CLEC16A: variants seen among roughly 807,000 people sequenced by gnomAD.
The protein encoded by CLEC16A is C-type lectin domain containing 16A, also known as protein CLEC16A.
Under a neutral mutation model 109.5 loss-of-function variants are expected in CLEC16A, and 51 were observed. The ratio of observed to expected loss-of-function variants is 0.47; its 90% CI spans 0.37 to 0.59. CLEC16A has a LOEUF of 0.59. CLEC16A is among the 20% of genes least tolerant of loss of function. The probability of loss-of-function intolerance (pLI) is 0.00; values close to 1 mark genes in which losing one functional copy is unlikely to be tolerated. For synonymous variants in CLEC16A, 673 were observed against 564.2 expected, an observed-to-expected ratio of 1.19 and a Z score of -2.73; for missense variants, 1,339 against 1,394.0, an observed-to-expected ratio of 0.96 and a Z score of 0.63.
At chr16:10,980,768 T>A (rs1239720535) in intron 9 of CLEC16A, among the ~76,000 whole-genome samples, 12 of 152,188 alleles carry the variant, frequency 7.9e-5, no homozygotes, top group African/African-American at 2.9e-4. Context: ...GAAGCCCTGT[T>A]TCCCCCTGCA....
intron 19 of CLEC16A, among the ~76,000 whole-genome samples, chr16:11,080,811 C>G (rs956993584): frequency 7.2e-5 from 11 of 152,230 alleles, no homozygotes; most frequent in Admixed American, 5.9e-4. Context: ...CTCACTCTTT[C>G]ACTTTTAGAA....
chr16:11,141,013 C>G (rs1024814852), intron 22 of CLEC16A, among the ~76,000 whole-genome samples: 5 of 152,252 alleles, frequency 3.3e-5, no homozygotes, highest in Admixed American at 2.0e-4. Context: ...ATAATGGCCA[C>G]TGCTGTTGAG....
At chr16:11,046,295 TC>T (rs1348746839) in intron 16 of CLEC16A, among the ~76,000 whole-genome samples, 1 of 152,202 alleles carries the variant, frequency 6.6e-6, no homozygotes, top group Non-Finnish European at 1.5e-5. Context: ...CTTACTTTTA[TC>T]CCATAACATT....
At chr16:11,085,989 A>C (rs958686140) in intron 19 of CLEC16A, among the ~76,000 whole-genome samples, 1 of 152,352 alleles carries the variant, frequency 6.6e-6, no homozygotes, top group South Asian at 2.1e-4. Flanking sequence ...GTCTTCAGCT[A>C]GTCCTCTGGG....
At chr16:10,986,808 T>C (rs893351901) in intron 10 of CLEC16A, among the ~76,000 whole-genome samples, 2 of 152,008 alleles carry the variant, frequency 1.3e-5, no homozygotes, top group Admixed American at 6.6e-5. Context: ...TATCCATTTA[T>C]CCATCATTAT....
At chr16:11,014,987 C>G (rs944507991) in intron 11 of CLEC16A, among the ~76,000 whole-genome samples, 1 of 152,190 alleles carries the variant, frequency 6.6e-6, no homozygotes, top group Non-Finnish European at 1.5e-5. Context: ...CTGGGGAGCC[C>G]TTTCCCCCAA....
At chr16:11,155,740 G>A (rs757585288) in intron 22 of CLEC16A, among the ~76,000 whole-genome samples, 30 of 152,176 alleles carry the variant, frequency 2.0e-4, no homozygotes, top group Non-Finnish European at 3.5e-4. Context: ...TAAAACACAC[G>A]GTAGGAGAGA....
chr16:11,025,340 T>C (rs1157091529), intron 13 of CLEC16A, among the ~76,000 whole-genome samples: 1 of 152,212 alleles, frequency 6.6e-6, no homozygotes, highest in Non-Finnish European at 1.5e-5. Flanking sequence ...AGAGCTGAAA[T>C]AGACCCTGGG....
chr16:11,098,705 A>G (rs1415084057), intron 19 of CLEC16A, among the ~76,000 whole-genome samples: 1 of 152,106 alleles, frequency 6.6e-6, no homozygotes, highest in African/African-American at 2.4e-5. Flanking sequence ...GGAACCCTGG[A>G]TCTCTCCCAA....
chr16:11,097,108 TG>T (rs1465270388), intron 19 of CLEC16A, among the ~76,000 whole-genome samples: 1 of 152,182 alleles, frequency 6.6e-6, no homozygotes, highest in African/African-American at 2.4e-5. Context: ...TGAACTTCCC[TG>T]TAGCTGAATC....
chr16:10,992,709 A>G (rs1366799120), intron 10 of CLEC16A, among the ~76,000 whole-genome samples: 1 of 151,888 alleles, frequency 6.6e-6, no homozygotes, highest in Non-Finnish European at 1.5e-5. Context: ...TGCCTCGAGT[A>G]ATTGTTGAGC....
At chr16:10,992,166 C>T (rs537002054) in intron 10 of CLEC16A, among the ~76,000 whole-genome samples, 1 of 152,280 alleles carries the variant, frequency 6.6e-6, no homozygotes, top group South Asian at 2.1e-4. Context: ...AATACAATAC[C>T]TTACTGTTAA....
At position 11,051,523 on chromosome 16, in the gene CLEC16A, T is replaced by C. The variant is rs1257232535; in HGVS notation, c.1877T>C (p.Met626Thr). The C allele has an allele frequency of 5.6e-6, 9 of 1,613,624 alleles. No individual in the cohort carries two copies. The highest frequency in any genetic ancestry group is 7.6e-6 in the Non-Finnish European group (9 of 1,179,672). ...TAATGTCTCTTCTAGATGAAGCCCA[T>C]GAACGTGGAATATCTCATGATGGAC... ...DEYRSMTMKP[M>T]NVEYLMMDAS... The change falls in exon 18 of 24, where the codon ATG becomes ACG. Residue 626 changes from methionine (M) to threonine (T), a missense_variant. This residue lies in a region of CLEC16A where 1,061 missense variants were observed against 1,006.8 expected (regional missense o/e 1.05). Coordinates refer to ENST00000409790, the MANE Select transcript of CLEC16A (RefSeq NM_015226.3).
intron 19 of CLEC16A, among the ~76,000 whole-genome samples, chr16:11,104,043 T>C (rs1168110269): frequency 6.6e-6 from 1 of 152,174 alleles, no homozygotes; most frequent in Admixed American, 6.5e-5. Flanking sequence ...CCCCCACAGA[T>C]GTGTGTGGCA....
intron 11 of CLEC16A, among the ~76,000 whole-genome samples, chr16:11,019,243 C>T (rs1423601164): frequency 6.6e-6 from 1 of 152,174 alleles, no homozygotes. Flanking sequence ...CTGATGGGGA[C>T]ACCATAAAGC....
intron 19 of CLEC16A, among the ~76,000 whole-genome samples, chr16:11,082,924 C>G (rs1268003864): frequency 6.6e-6 from 1 of 152,106 alleles, no homozygotes; most frequent in African/African-American, 2.4e-5. Context: ...AGTGGGAGCT[C>G]CCCATCTAAG....
intron 12 of CLEC16A, among the ~76,000 whole-genome samples, chr16:11,021,774 G>A (rs556019689): frequency 4.5e-4 from 68 of 152,312 alleles, no homozygotes; most frequent in South Asian, 8.3e-4. Flanking sequence ...TCCAGCCTGG[G>A]CAACAGAATG....
chr16:11,175,959 A>G (rs2068732577), intron 23 of CLEC16A, among the ~76,000 whole-genome samples: 3 of 152,376 alleles, frequency 2.0e-5, no homozygotes, highest in South Asian at 4.1e-4. Flanking sequence ...ACGCTTGGCT[A>G]CTTTGTCTCC....
At chr16:11,112,215 A>G (rs991423006) in intron 19 of CLEC16A, among the ~76,000 whole-genome samples, 3 of 152,242 alleles carry the variant, frequency 2.0e-5, no homozygotes, top group Non-Finnish European at 2.9e-5. Flanking sequence ...TGCACAGTGG[A>G]CAGGCAACAA....
Sources: allele counts gnomAD v4.1 joint callset (sites outside exome capture counted in the v4.1 genomes callset), GRCh38; gene constraint gnomAD v4.1.1; regional missense constraint gnomAD v4.1.1; transcripts MANE v1.5; gene names NCBI Gene and HGNC (gene_info 2026-07-23, HGNC 2026-07-21).